GADL1: variants seen among roughly 807,000 people sequenced by gnomAD.
GADL1 encodes the protein acidic amino acid decarboxylase GADL1.
In GADL1, 71 loss-of-function variants were observed where a neutral mutation model predicts 69.5. That is an observed-to-expected ratio of 1.02 (90% confidence interval 0.84 to 1.25). The LOEUF (loss-of-function observed/expected upper bound fraction) is 1.25. Among genes scored for constraint, GADL1 ranks in the 50% most tolerant of loss-of-function variants. The probability of loss-of-function intolerance (pLI) is 0.00; values close to 1 mark genes in which losing one functional copy is unlikely to be tolerated. For missense variants in GADL1, 737 were observed against 631.8 expected (o/e 1.17, Z -1.79); for synonymous variants, 254 against 214.4 (o/e 1.18, Z -1.62).
chr3:30,831,218 T>C (rs902300802), intron 11 of GADL1, among the ~76,000 whole-genome samples: 1 of 152,024 alleles, frequency 6.6e-6, no homozygotes, highest in African/African-American at 2.4e-5. Flanking sequence ...CTTCATGATC[T>C]ACCCACTGCT....
At chr3:30,786,778 GT>G (rs1302717407) in intron 12 of GADL1, among the ~76,000 whole-genome samples, 1 of 152,162 alleles carries the variant, frequency 6.6e-6, no homozygotes, top group Non-Finnish European at 1.5e-5. Context: ...GGAGGAAAGA[GT>G]TTTTTGTTTT....
At chr3:30,836,007 C>CAA (rs1405232053) in intron 9 of GADL1, among the ~76,000 whole-genome samples, 2 of 152,048 alleles carry the variant, frequency 1.3e-5, no homozygotes, top group Non-Finnish European at 2.9e-5. Flanking sequence ...TTGGTCCTTG[C>CAA]AAATATTAAG....
At chr3:30,890,241 T>G (rs1302524560) in intron 1 of GADL1, among the ~76,000 whole-genome samples, 1 of 152,208 alleles carries the variant, frequency 6.6e-6, no homozygotes, top group African/African-American at 2.4e-5. Context: ...ATGATTCTTG[T>G]CACTCTAAAT....
chr3:30,781,122 C>A (rs1696655373), intron 13 of GADL1, among the ~76,000 whole-genome samples: 1 of 151,970 alleles, frequency 6.6e-6, no homozygotes. Flanking sequence ...TACAGGAGTC[C>A]AAGTATCTAG....
intron 14 of GADL1, among the ~76,000 whole-genome samples, chr3:30,739,121 T>G (rs1034709442): frequency 6.6e-6 from 1 of 152,198 alleles, no homozygotes; most frequent in East Asian, 1.9e-4. Context: ...AACCTGCATA[T>G]CAGGCTTGGG....
At chr3:30,790,952 A>G (rs1027045546) in intron 12 of GADL1, among the ~76,000 whole-genome samples, 1 of 152,124 alleles carries the variant, frequency 6.6e-6, no homozygotes, top group African/African-American at 2.4e-5. Flanking sequence ...GTAAAAGATA[A>G]AAGTGAGGTT....
chr3:30,869,243 T>C (rs1698447305), intron 1 of GADL1, among the ~76,000 whole-genome samples: 1 of 151,844 alleles, frequency 6.6e-6, no homozygotes, highest in Non-Finnish European at 1.5e-5. Flanking sequence ...ATGCCTAATT[T>C]ACCTGATGTA....
At chr3:30,757,569 C>T (rs894968486) in intron 14 of GADL1, among the ~76,000 whole-genome samples, 3 of 152,112 alleles carry the variant, frequency 2.0e-5, no homozygotes, top group African/African-American at 7.2e-5. Flanking sequence ...TGATTACAGG[C>T]CCATGGATTA....
intron 2 of GADL1, among the ~76,000 whole-genome samples, chr3:30,857,983 T>C (rs542550142): frequency 4.6e-5 from 7 of 152,118 alleles, no homozygotes; most frequent in African/African-American, 1.7e-4. Context: ...GAAGTCACTT[T>C]CTCAACAACA....
chr3:30,806,264 T>C (rs776859297), intron 11 of GADL1, among the ~76,000 whole-genome samples: 32 of 152,300 alleles, frequency 2.1e-4, no homozygotes, highest in Non-Finnish European at 4.3e-4. Context: ...CATCTTTTAA[T>C]AATTCATCTA....
chr3:30,827,522 A>G (rs1391348337), intron 11 of GADL1, among the ~76,000 whole-genome samples: 1 of 151,864 alleles, frequency 6.6e-6, no homozygotes, highest in Admixed American at 6.6e-5. Context: ...AATCCTAAAA[A>G]TGTTATTGGT....
In GADL1 at chr3:30,780,585, T is replaced by C. The variant is rs191598559; in HGVS notation, c.1303-2317A>G. ...GAGTGGACTCTAATATGTCACCAAA[T>C]TTGTTATTCCCTTTCATTTGCATAG... is the stretch of plus-strand genomic sequence containing the variant. On this transcript the variant is annotated intron_variant, in intron 13 of 14. Coordinates refer to ENST00000282538, the MANE Select transcript of GADL1 (RefSeq NM_207359.3). Among the ~76,000 whole-genome samples, 336 of 152,346 alleles carry C rather than the reference T, an allele frequency of 2.2e-3. 1 individual carries two copies. The highest frequency in any genetic ancestry group is 7.6e-3 in the African/African-American group (318 of 41,588).
At chr3:30,834,984 A>T (rs748725506) in intron 9 of GADL1, among the ~76,000 whole-genome samples, 30 of 152,130 alleles carry the variant, frequency 2.0e-4, no homozygotes, top group Non-Finnish European at 3.4e-4. Flanking sequence ...ATAAATTTTA[A>T]TTTGTAGGAC....
At chr3:30,825,987 G>T (rs1025070625) in intron 11 of GADL1, among the ~76,000 whole-genome samples, 1 of 151,882 alleles carries the variant, frequency 6.6e-6, no homozygotes, top group Non-Finnish European at 1.5e-5. Context: ...AAAAAAGGCA[G>T]ATACTTGGAA....
chr3:30,877,418 T>C (rs1456487278), intron 1 of GADL1, among the ~76,000 whole-genome samples: 1 of 151,892 alleles, frequency 6.6e-6, no homozygotes, highest in Non-Finnish European at 1.5e-5. Context: ...ACTTGAAAAA[T>C]AAGGCCACTG....
At chr3:30,848,591 G>T (rs1698093724) in intron 6 of GADL1, among the ~76,000 whole-genome samples, 1 of 152,002 alleles carries the variant, frequency 6.6e-6, no homozygotes, top group Non-Finnish European at 1.5e-5. Flanking sequence ...ATTCTGCCAA[G>T]AACCTGGGTG....
intron 1 of GADL1, among the ~76,000 whole-genome samples, chr3:30,889,084 TAAAAAAAAAAAAAAA>T (rs60227313): frequency 1.5e-4 from 5 of 32,916 alleles, no homozygotes; most frequent in Admixed American, 9.2e-4. Flanking sequence ...CGGTAATCTA[TAAAAAAAAAAAAAAA>T]AAAAAAAAAA....
intron 1 of GADL1, among the ~76,000 whole-genome samples, chr3:30,893,442 CTA>C (rs1012823101): frequency 6.6e-6 from 1 of 151,986 alleles, no homozygotes; most frequent in Non-Finnish European, 1.5e-5. Flanking sequence ...TTATCATTAA[CTA>C]TATTCACCCT....
intron 11 of GADL1, among the ~76,000 whole-genome samples, chr3:30,806,347 A>G (rs971176306): frequency 6.6e-6 from 1 of 152,216 alleles, no homozygotes; most frequent in South Asian, 2.1e-4. Flanking sequence ...AAGCCCATGA[A>G]GGTGCTAAGT....
Sources: gnomAD v4.1 joint callset for allele counts (sites outside exome capture counted in the v4.1 genomes callset) on GRCh38, gnomAD v4.1.1 for gene constraint, MANE v1.5 for transcripts, NCBI Gene and HGNC (gene_info 2026-07-23, HGNC 2026-07-21) for gene names.